The following TNFAIP3 variants were observed in gnomAD, a reference collection of about 807,000 sequenced individuals.
TNFAIP3 encodes tumor necrosis factor alpha-induced protein 3.
In TNFAIP3, 9 loss-of-function variants were observed where a neutral mutation model predicts 72.4. The ratio of observed to expected loss-of-function variants is 0.12; its 90% CI spans 0.07 to 0.22. TNFAIP3 has a LOEUF of 0.22. TNFAIP3 is among the 10% of genes least tolerant of loss of function. The pLI is 1.00. For missense variants in TNFAIP3, 833 were observed against 1,018.7 expected (o/e 0.82, Z 2.48); for synonymous variants, 339 against 372.6 (o/e 0.91, Z 1.04).
At position 137,878,789 on chromosome 6, in the gene TNFAIP3, G is replaced by C. The variant is rs143619694; in HGVS notation, c.1344G>C (p.Trp448Cys). Residue 448 changes from tryptophan to cysteine, a missense_variant, in exon 7 of 9, where the codon TGG becomes TGC. Trp to Cys is a radical substitution (Grantham distance 215). Transcript: ENST00000612899. ...SRGEAYEPLAWNPEESTGGPH... is the reference protein window; with the variant it reads ...SRGEAYEPLACNPEESTGGPH... ...GAGAAGCCTATGAGCCCTTGGCGTG[G>C]AACCCTGAGGAGTCCACTGGGGGGC... 108 of 1,614,084 alleles carry C rather than the reference G, an allele frequency of 6.7e-5. No individual in the cohort carries two copies. In the African/African-American group the frequency reaches 1.3e-3, roughly 19 times the overall value.
chr6:137,880,106 G>A lies in TNFAIP3; in HGVS notation c.1942G>A (p.Ala648Thr). 1 of 1,614,124 alleles carries A rather than the reference G, an allele frequency of 6.2e-7. No homozygotes were observed. The highest frequency in any genetic ancestry group is 8.5e-7 in the Non-Finnish European group (1 of 1,180,018). Residue 648 changes from alanine to threonine, a missense_variant, in exon 8 of 9, where the codon GCG (alanine) becomes ACG (threonine). Ala to Thr is a moderately conservative substitution (Grantham distance 58). Coordinates refer to ENST00000612899, the MANE Select transcript of TNFAIP3 (RefSeq NM_001270508.2). ...AAASGKVSPT[A>T]SRFQNTIPCL... is the part of the protein sequence containing the mutation. ...TGCCTCAGGGAAAGTCAGTCCCACA[G>A]CGTCCAGGTTCCAGAACACCATTCC...
chr6:137,871,913 A>C lies in TNFAIP3; in HGVS notation c.295+391A>C, dbSNP rs1050001110. 2.0e-5 allele frequency among the ~76,000 whole-genome samples: 3 copies of C among 152,218 alleles called. No individual in the cohort carries two copies. The highest frequency in any genetic ancestry group is 2.0e-4 in the Admixed American group (3 of 15,282). ...AAAGAATGGTGTGAAAACTGGTAGT[A>C]CATTTGTTTCCCACTGTCATTAGAA... On this transcript the variant is annotated intron_variant, in intron 2 of 8. Transcript: ENST00000612899. This position sits in a 1 kb window ranked among gnomAD's most constrained non-coding sequence, Gnocchi z 4.2.
In TNFAIP3 at chr6:137,879,157, T is replaced by C. The variant is rs1562273213; in HGVS notation, c.1712T>C (p.Val571Ala). 1 of 1,614,028 alleles carries C rather than the reference T, an allele frequency of 6.2e-7. No individual in the cohort carries two copies. Among genetic ancestry groups the C allele is most frequent in the Non-Finnish European group, 8.5e-7 (1 of 1,180,014 alleles). The change falls in exon 7 of 9, where the codon GTC becomes GCC. Residue 571 changes from valine (V) to alanine (A), a missense_variant. Coordinates refer to ENST00000612899, the MANE Select transcript of TNFAIP3 (RefSeq NM_001270508.2). Reference protein sequence around the residue: ...QRSKSDPSRLVRSPSPHSCHR... With the variant: ...QRSKSDPSRLARSPSPHSCHR... ...TCCAAGTCAGATCCCTCGCGGCTCG[T>C]CCGGAGCCCCTCCCCGCATTCTTGC...
chr6:137,878,116 T>G (rs1278860443), intron 6 of TNFAIP3, among the ~76,000 whole-genome samples: 2 of 152,256 alleles, frequency 1.3e-5, no homozygotes, highest in African/African-American at 4.8e-5. Context: ...TCAACTGATT[T>G]TTCTTAGCCC....
At chr6:137,879,386 T>G in intron 7 of TNFAIP3, 35 bp downstream of exon 7, 1 of 1,586,014 alleles carries the variant, frequency 6.3e-7, no homozygotes, top group Admixed American at 1.8e-5. Context: ...ACACAGCGGC[T>G]GCTGTCCAGA....
chr6:137,868,168 G>T (rs1328631563), intron 1 of TNFAIP3: 1 of 152,524 alleles, frequency 6.6e-6, no homozygotes, highest in Admixed American at 6.5e-5. Context: ...CCTACCCCAC[G>T]GTTAGACTGT....
Position 137,881,020 on chromosome 6 carries a change from G to C in TNFAIP3, c.2089-15G>C, listed in dbSNP as rs972453560. 6.3e-7 allele frequency: 1 copy of C among 1,579,164 alleles called. No individual in the cohort carries two copies. Among genetic ancestry groups the C allele is most frequent in the East Asian group, 2.3e-5 (1 of 44,326 alleles). On this transcript the variant is annotated splice_polypyrimidine_tract_variant and intron_variant, in intron 8 of 8. Transcript: ENST00000612899. The surrounding 1 kb of genome is among the most constrained non-coding windows in gnomAD (Gnocchi z 5.0). ...TTCCTGACTTTTTAATGATCTGCCT[G>C]TTCTTTCCACTCAGAGATCGAGCCA...
Position 137,882,011 on chromosome 6 carries a change from G to A in TNFAIP3, c.*692G>A. ...ATAATATGCACCTTTTAAAAAATTAGAATATTTTACTGGGAAGACGTGTAA... is the reference window on the plus strand; with the variant it reads ...ATAATATGCACCTTTTAAAAAATTAAAATATTTTACTGGGAAGACGTGTAA... On this transcript the variant is annotated 3_prime_UTR_variant, in exon 9 of 9. Transcript: ENST00000612899. 4.3e-6 allele frequency: 1 copy of A among 231,408 alleles called. No homozygotes were observed. Among genetic ancestry groups the A allele is most frequent in the Non-Finnish European group, 8.6e-6 (1 of 116,862 alleles). The allele number at this position is 231,408 out of a possible 1,614,324, so 14.3% of individuals were successfully genotyped here.
At chr6:137,879,745 T>C (rs1455792812) in intron 7 of TNFAIP3, among the ~76,000 whole-genome samples, 2 of 152,192 alleles carry the variant, frequency 1.3e-5, no homozygotes, top group Non-Finnish European at 2.9e-5. Flanking sequence ...GAAGTCTCTG[T>C]TGACACTGTA....
At chr6:137,869,367 A>C (rs1775967048) in intron 1 of TNFAIP3, among the ~76,000 whole-genome samples, 1 of 142,052 alleles carries the variant, frequency 7.0e-6, no homozygotes. Context: ...GGATGGATGG[A>C]TGGATGGATG....
chr6:137,877,846 G>A (rs563846674), intron 6 of TNFAIP3, among the ~76,000 whole-genome samples: 198 of 152,316 alleles, frequency 1.3e-3, no homozygotes, highest in Non-Finnish European at 2.2e-3. Context: ...CAAGGAAGCC[G>A]TAAGAGAATC....
In TNFAIP3 at chr6:137,882,720, G is replaced by A. The variant is rs964986075; in HGVS notation, c.*1401G>A. 3.9e-5 allele frequency: 9 copies of A among 232,660 alleles called. No individual in the cohort carries two copies. Among genetic ancestry groups the A allele is most frequent in the African/African-American group, 1.8e-4 (8 of 45,290 alleles). The allele number at this position is 232,660 out of a possible 1,614,324, so 14.4% of individuals were successfully genotyped here. On this transcript the variant is annotated 3_prime_UTR_variant, in exon 9 of 9. Transcript: ENST00000612899. ...ATTTTCTGTTAACACTGTGTCCTGG[G>A]GGGGCTGGGAAGTCCCCTGCATCCC...
rs73778206 is a variant in TNFAIP3, at chr6:137,881,961, T to C, written c.*642T>C. On this transcript the variant is annotated 3_prime_UTR_variant, in exon 9 of 9. Coordinates refer to ENST00000612899, the MANE Select transcript of TNFAIP3 (RefSeq NM_001270508.2). This position sits in a 1 kb window ranked among gnomAD's most constrained non-coding sequence, Gnocchi z 5.0. ...GCTGCTGAGACTGAACATGTTCACATTGACAGAAAAACAAGCTGCTCTTTA... is the reference window on the plus strand; with the variant it reads ...GCTGCTGAGACTGAACATGTTCACACTGACAGAAAAACAAGCTGCTCTTTA... 7.6e-4 allele frequency: 175 copies of C among 231,706 alleles called. No individual in the cohort carries two copies. Among genetic ancestry groups the C allele is most frequent in the African/African-American group, 3.5e-3 (157 of 45,358 alleles). The allele number at this position is 231,706 out of a possible 1,614,324, so 14.4% of individuals were successfully genotyped here.
Position 137,881,411 on chromosome 6 carries a change from C to T in TNFAIP3, c.*92C>T. ...CCTCTGAACCCCTCAGCTGCCACTG[C>T]AACAGTGGGCTTAAGGGTGTCTGAG... On this transcript the variant is annotated 3_prime_UTR_variant, in exon 9 of 9. Transcript: ENST00000612899. The surrounding 1 kb of genome is among the most constrained non-coding windows in gnomAD (Gnocchi z 5.0). 2 of 1,159,686 alleles carry T rather than the reference C, an allele frequency of 1.7e-6. No homozygotes were observed. The highest frequency in any genetic ancestry group is 2.5e-6 in the Non-Finnish European group (2 of 814,330). 71.8% of individuals were successfully genotyped at this position (1,159,686 alleles called of 1,614,324 possible).
chr6:137,875,570 AG>A, intron 3 of TNFAIP3, 117 bp from the exon 4 acceptor site: 1 of 1,270,680 alleles, frequency 7.9e-7, no homozygotes, highest in Non-Finnish European at 1.1e-6. Context: ...GTTTCATGAA[AG>A]GGGAAAAAAT....
rs1476286095 is a variant in TNFAIP3 at position 137,874,907 on chromosome 6, T to A, written c.358T>A (p.Leu120Met). The change falls in exon 3 of 9, where the codon TTG (leucine) becomes ATG (methionine). Residue 120 changes from leucine to methionine, a missense_variant. Leu to Met is a conservative substitution (Grantham distance 15, BLOSUM62 2). Coordinates refer to ENST00000612899, the MANE Select transcript of TNFAIP3 (RefSeq NM_001270508.2). ...CATGTGGGGCGTTCAGGACACAGACTTGGTACTGAGGAAGGCGCTGTTCAG... is the reference window on the plus strand; with the variant it reads ...CATGTGGGGCGTTCAGGACACAGACATGGTACTGAGGAAGGCGCTGTTCAG... ...QYMWGVQDTD[L>M]VLRKALFSTL... 1 of 1,614,080 alleles carries A rather than the reference T, an allele frequency of 6.2e-7. No individual in the cohort carries two copies. The highest frequency in any genetic ancestry group is 8.5e-7 in the Non-Finnish European group (1 of 1,180,048).
chr6:137,872,908 T>C (rs1935774235), intron 2 of TNFAIP3, among the ~76,000 whole-genome samples: 1 of 152,098 alleles, frequency 6.6e-6, no homozygotes, highest in African/African-American at 2.4e-5. Flanking sequence ...GAACACCTTA[T>C]TAAGAGAATT....
chr6:137,879,687 A>G (rs1776382894), intron 7 of TNFAIP3, among the ~76,000 whole-genome samples: 2 of 152,250 alleles, frequency 1.3e-5, no homozygotes, highest in South Asian at 4.1e-4. Context: ...TGCAACTTAG[A>G]TATAACAGAA....
Position 137,867,581 on chromosome 6 carries a change from C to T in TNFAIP3, c.-16+39C>T, listed in dbSNP as rs574775789. 2 of 152,772 alleles carry T rather than the reference C, an allele frequency of 1.3e-5. No homozygotes were observed. The highest frequency in any genetic ancestry group is 1.9e-4 in the East Asian group (1 of 5,326). 9.5% of individuals were successfully genotyped at this position (152,772 alleles called of 1,614,324 possible). ...CTCCCCGTGCCGTCTGCCTCGGGCT[C>T]ACCGCAGTCAAGGGCTGCGGGTGCA... On this transcript the variant is annotated intron_variant, in intron 1 of 8. Transcript: ENST00000612899. This position sits in a 1 kb window ranked among gnomAD's most constrained non-coding sequence, Gnocchi z 6.0.
Sources: gnomAD v4.1 joint callset for allele counts (sites outside exome capture counted in the v4.1 genomes callset) on GRCh38, gnomAD v4.1.1 for gene constraint, Gnocchi (gnomAD v3.1) non-coding constraint, MANE v1.5 for transcripts, NCBI Gene and HGNC (gene_info 2026-07-23, HGNC 2026-07-21) for gene names.